SNRNP70: variants seen among roughly 807,000 people sequenced by gnomAD.
SNRNP70 encodes small nuclear ribonucleoprotein U1 subunit 70.
SNRNP70 carries 8 observed loss-of-function variants against 50.5 expected under a neutral mutation model. The ratio of observed to expected loss-of-function variants is 0.16; its 90% CI spans 0.09 to 0.29. SNRNP70 has a LOEUF of 0.29. SNRNP70 is among the 10% of genes least tolerant of loss of function. The pLI is 1.00. For synonymous variants in SNRNP70, 320 were observed against 252.9 expected (o/e 1.27, Z -2.52); for missense variants, 529 against 663.5 (o/e 0.80, Z 2.23).
rs1367347654 is a variant in SNRNP70 at position 49,097,203 on chromosome 19, C to T, written c.266-1224C>T. ...CCACACTGTCTTCCTGAAAAGGTAG[C>T]ACCCGAGGGTTCGGGGAAGGAGCCT... On this transcript the variant is annotated intron_variant, in intron 4 of 9. Coordinates refer to ENST00000598441, the MANE Select transcript of SNRNP70 (RefSeq NM_003089.6). Among the ~76,000 whole-genome samples the T allele has an allele frequency of 2.0e-5, 3 of 152,220 alleles. No homozygotes were observed. In the East Asian group the frequency reaches 5.8e-4, roughly 29 times the overall value.
At chr19:49,085,690 C>T (rs1194759923) in intron 1 of SNRNP70, 54 bp downstream of exon 1, 1 of 454,246 alleles carries the variant, frequency 2.2e-6, no homozygotes, top group African/African-American at 2.0e-5. Flanking sequence ...TACCCAGAAG[C>T]CCCAGCGGTG....
At position 49,108,120 on chromosome 19, in the gene SNRNP70, C is replaced by T. The variant is rs369298740; in HGVS notation, c.991C>T (p.Pro331Ser). Residue 331 changes from proline to serine, a missense_variant, in exon 10 of 10, where the codon CCT (proline) becomes TCT (serine). Pro to Ser is a moderately conservative substitution (Grantham distance 74). Transcript: ENST00000598441. The stretch of plus-strand genomic sequence containing the variant: ...GGGTGACGCGCCCCCTGATGATGGG[C>T]CTCCAGGGGAGCTCGGGCCTGACGG... Reference protein sequence around the residue: ...EAGDAPPDDGPPGELGPDGPD... With the variant: ...EAGDAPPDDGSPGELGPDGPD... 6.5e-7 allele frequency: 1 copy of T among 1,546,912 alleles called. No homozygotes were observed. Among genetic ancestry groups the T allele is most frequent in the South Asian group, 1.2e-5 (1 of 83,004 alleles).
At position 49,107,635 on chromosome 19, in the gene SNRNP70, C is replaced by G. The variant is rs565978577; in HGVS notation, c.588C>G (p.Leu196=). 5.0e-6 allele frequency: 8 copies of G among 1,614,016 alleles called. No homozygotes were observed. The African/African-American group carries it at 9.3e-5, about 19-fold the overall frequency. ...GWRPRRLGGG[L]GGTRRGGADV... Reference sequence around the variant, plus strand: ...TCTGCCCTGCCCCAGGAGGAGGCCTCGGTGGTACCAGAAGAGGAGGGGCTG... The same window carrying G: ...TCTGCCCTGCCCCAGGAGGAGGCCTGGGTGGTACCAGAAGAGGAGGGGCTG... Residue 196 remains leucine (L), a synonymous_variant, in exon 9 of 10, where the codon CTC becomes CTG. Transcript: ENST00000598441. This position sits in a 1 kb window ranked among gnomAD's most constrained non-coding sequence, Gnocchi z 6.0.
At chr19:49,095,347 G>A (rs2040499498) in intron 4 of SNRNP70, among the ~76,000 whole-genome samples, 1 of 152,206 alleles carries the variant, frequency 6.6e-6, no homozygotes, top group Non-Finnish European at 1.5e-5. Context: ...GCTGTCTGGC[G>A]TTGCCGGGTG....
intron 7 of SNRNP70, chr19:49,102,322 T>C: frequency 4.7e-6 from 2 of 424,812 alleles, no homozygotes. Context: ...TTTCCTTGTT[T>C]GGGTGCCCTT....
At chr19:49,101,786 T>G (rs868635727) in intron 7 of SNRNP70, 2 of 405,602 alleles carry the variant, frequency 4.9e-6, no homozygotes, top group Non-Finnish European at 4.7e-6. Flanking sequence ...GGTCGGATTT[T>G]GGGGGAACCT....
chr19:49,108,042 C>T lies in SNRNP70; in HGVS notation c.913C>T (p.Arg305Cys), dbSNP rs1490585111. The T allele has an allele frequency of 1.9e-6, 3 of 1,548,992 alleles. No homozygotes were observed. The highest frequency in any genetic ancestry group is 1.7e-6 in the Non-Finnish European group (2 of 1,147,186). ...SRERARRERE[R>C]KEELRGGGGD... ...GGAGCGGGCCCGGCGGGAGCGGGAG[C>T]GCAAGGAGGAGCTGCGTGGCGGCGG... The change falls in exon 10 of 10, where the codon CGC becomes TGC. Residue 305 changes from arginine to cysteine, a missense_variant. Around this residue, in one of 4 missense-constraint regions of SNRNP70, gnomAD observed 327 missense variants for 308.8 expected, o/e 1.06. Coordinates refer to ENST00000598441, the MANE Select transcript of SNRNP70 (RefSeq NM_003089.6).
chr19:49,090,952 A>G (rs764989010), intron 4 of SNRNP70, among the ~76,000 whole-genome samples: 1 of 152,136 alleles, frequency 6.6e-6, no homozygotes, highest in African/African-American at 2.4e-5. Context: ...AACCAAACTC[A>G]TAAGAGGGTC....
In SNRNP70 at chr19:49,098,499, C is replaced by T. The variant is rs2040540893; in HGVS notation, c.330+8C>T. 6.2e-7 allele frequency: 1 copy of T among 1,612,920 alleles called. No individual in the cohort carries two copies. The highest frequency in any genetic ancestry group is 1.1e-5 in the South Asian group (1 of 91,026). On this transcript the variant is annotated splice_region_variant and intron_variant, in intron 5 of 9. Coordinates refer to ENST00000598441, the MANE Select transcript of SNRNP70 (RefSeq NM_003089.6). Reference sequence around the variant, plus strand: ...CTCTTCGTGGCGAGAGTGGTAAGTCCCCAGCTCCTAGCTCCTGGAACCCCA... The same window carrying T: ...CTCTTCGTGGCGAGAGTGGTAAGTCTCCAGCTCCTAGCTCCTGGAACCCCA...
Position 49,090,329 on chromosome 19 carries a change from C to T in SNRNP70, c.186C>T (p.Thr62=). The T allele has an allele frequency of 1.9e-6, 3 of 1,614,040 alleles. No homozygotes were observed. Among genetic ancestry groups the T allele is most frequent in the South Asian group, 1.1e-5 (1 of 91,066 alleles). The change falls in exon 3 of 10, where the codon ACC becomes ACT. Residue 62 remains threonine, a synonymous_variant. Coordinates refer to ENST00000598441, the MANE Select transcript of SNRNP70 (RefSeq NM_003089.6). ...CCCCTCCTCCAACTCGTGCTGAAAC[C>T]CGAGAGGAGCGCATGGAGAGGAAAG... ...RDAPPPTRAE[T]REERMERKRR... is the part of the protein sequence containing the mutation.
In SNRNP70 at chr19:49,102,662, G is replaced by A. The variant is rs1018726999; in HGVS notation, c.475+1191G>A. On this transcript the variant is annotated intron_variant, in intron 7 of 9. Coordinates refer to ENST00000598441, the MANE Select transcript of SNRNP70 (RefSeq NM_003089.6). ...TTCCTTACTGTGGTTGAGGCCTCCC[G>A]AGGGGGCTGGCTGTGGTGTCCAGCA... 9 of 159,578 alleles carry A rather than the reference G, an allele frequency of 5.6e-5. No homozygotes were observed. The South Asian group carries it at 7.1e-4, about 13-fold the overall frequency. The allele number at this position is 159,578 out of a possible 1,614,324, so 9.9% of individuals were successfully genotyped here.
intron 2 of SNRNP70, among the ~76,000 whole-genome samples, chr19:49,088,352 G>T (rs62127921): frequency 6.9e-6 from 1 of 145,964 alleles, no homozygotes; most frequent in Non-Finnish European, 1.5e-5. Context: ...ACAGGTGCCC[G>T]CCACCACGCC....
At chr19:49,085,735 C>T (rs1174635165) in intron 1 of SNRNP70, 99 bp downstream of exon 1, 1 of 435,260 alleles carries the variant, frequency 2.3e-6, no homozygotes, top group Non-Finnish European at 4.6e-6. Context: ...AGGCCCCTTT[C>T]CCGCGTCCCC....
At chr19:49,088,897 A>G (rs2040415235) in intron 2 of SNRNP70, among the ~76,000 whole-genome samples, 1 of 152,100 alleles carries the variant, frequency 6.6e-6, no homozygotes, top group Non-Finnish European at 1.5e-5. Flanking sequence ...CTGTCAGCTT[A>G]TGTTGCTTTA....
intron 6 of SNRNP70, 39 bp from the exon 7 acceptor site, chr19:49,101,351 C>G (rs373870372): frequency 6.5e-6 from 10 of 1,543,488 alleles, no homozygotes; most frequent in Non-Finnish European, 9.0e-6. Flanking sequence ...CGGAGCCGCC[C>G]TGTGGCAGGA....
chr19:49,098,025 A>C (rs1333702983), intron 4 of SNRNP70, among the ~76,000 whole-genome samples: 3 of 152,118 alleles, frequency 2.0e-5, no homozygotes, highest in Non-Finnish European at 4.4e-5. Flanking sequence ...TACAGGAGGG[A>C]GCTCAGAACC....
chr19:49,103,355 T>C (rs2040616233), intron 7 of SNRNP70: 1 of 152,640 alleles, frequency 6.6e-6, no homozygotes. Flanking sequence ...ACAGGAGATG[T>C]GGTTCCTCTC....
Position 49,108,111 on chromosome 19 carries a change from G to C in SNRNP70, c.982G>C (p.Asp328His). 1.3e-6 allele frequency: 2 copies of C among 1,549,912 alleles called. No homozygotes were observed. The highest frequency in any genetic ancestry group is 2.4e-5 in the East Asian group (1 of 42,392). ...CTCCGAGGCGGGTGACGCGCCCCCTGATGATGGGCCTCCAGGGGAGCTCGG... is the reference window on the plus strand; with the variant it reads ...CTCCGAGGCGGGTGACGCGCCCCCTCATGATGGGCCTCCAGGGGAGCTCGG... ...EPSEAGDAPP[D>H]DGPPGELGPD... is the part of the protein sequence containing the mutation. The change falls in exon 10 of 10, where the codon GAT becomes CAT. Residue 328 changes from aspartate (D) to histidine (H), a missense_variant. This residue lies in a region of SNRNP70 where 327 missense variants were observed against 308.8 expected (regional missense o/e 1.06). Transcript: ENST00000598441.
At chr19:49,098,043 A>G (rs1002635540) in intron 4 of SNRNP70, among the ~76,000 whole-genome samples, 58 of 152,228 alleles carry the variant, frequency 3.8e-4, no homozygotes, top group Admixed American at 6.5e-5. Context: ...ACCTGGGGGC[A>G]TCAGCTGCAT....
Sources: allele counts gnomAD v4.1 joint callset (sites outside exome capture counted in the v4.1 genomes callset), GRCh38; gene constraint gnomAD v4.1.1; regional missense constraint gnomAD v4.1.1; non-coding constraint Gnocchi (gnomAD v3.1); transcripts MANE v1.5; gene names NCBI Gene and HGNC (gene_info 2026-07-23, HGNC 2026-07-21).